The following CFAP92 variants were observed in gnomAD, a reference collection of about 807,000 sequenced individuals.
The protein encoded by CFAP92 is uncharacterized protein CFAP92.
Under a neutral mutation model 106.3 loss-of-function variants are expected in CFAP92, and 86 were observed. The observed-to-expected ratio is 0.81, with a 90% CI of 0.68 to 0.97. The LOEUF is 0.97. Ranked by LOEUF, CFAP92 falls within the 50% of genes least tolerant of loss-of-function variation. The probability of loss-of-function intolerance (pLI) is 0.00; values close to 1 mark genes in which losing one functional copy is unlikely to be tolerated. For missense variants in CFAP92, 1,204 were observed against 1,283.8 expected (o/e 0.94, Z 0.95); for synonymous variants, 477 against 506.4 (o/e 0.94, Z 0.78).
chr3:129,024,302 C>G, the CFAP92 span, among the ~76,000 whole-genome samples: 2 of 152,242 alleles, frequency 1.3e-5, no homozygotes, highest in Admixed American at 1.3e-4. Flanking sequence ...AAAGCCGAGT[C>G]AGGCAGATCA....
chr3:128,969,139 C>T (rs1485177742), intron 8 of CFAP92: 1 of 152,056 alleles, frequency 6.6e-6, no homozygotes, highest in Non-Finnish European at 1.5e-5. Flanking sequence ...TCTCCCCACC[C>T]TTGAGAATGT....
chr3:129,003,339 C>A, upstream of CFAP92: 2 of 953,978 alleles, frequency 2.1e-6, no homozygotes, highest in Non-Finnish European at 2.5e-6. Flanking sequence ...GCTCTGGGAA[C>A]ACACCAGTAA....
chr3:128,971,969 CAT>C (rs1304910943), intron 7 of CFAP92, among the ~76,000 whole-genome samples: 2 of 152,138 alleles, frequency 1.3e-5, no homozygotes, highest in African/African-American at 4.8e-5. Context: ...GATGAGAACA[CAT>C]ATAAATCTAC....
chr3:129,019,988 C>T, the CFAP92 span, among the ~76,000 whole-genome samples: 1 of 151,876 alleles, frequency 6.6e-6, no homozygotes, highest in Non-Finnish European at 1.5e-5. Context: ...AGGCTGGTCT[C>T]GAACTCCTGA....
intron 15 of CFAP92, chr3:128,912,632 C>T (rs1302440901): frequency 1.3e-6 from 2 of 1,585,150 alleles, no homozygotes; most frequent in Non-Finnish European, 8.7e-7. Flanking sequence ...TCCCCTGCTA[C>T]CGCCCGCCCC....
chr3:129,018,225 T>C, the CFAP92 span, among the ~76,000 whole-genome samples: 1 of 152,162 alleles, frequency 6.6e-6, no homozygotes. Context: ...TTTGCCTCCA[T>C]AGGGAGACAA....
chr3:128,920,739 A>G (rs997978195), intron 12 of CFAP92, among the ~76,000 whole-genome samples: 13 of 152,056 alleles, frequency 8.5e-5, no homozygotes, highest in African/African-American at 1.7e-4. Flanking sequence ...CCGCACTACA[A>G]TCTAAGCCCA....
At position 128,947,856 on chromosome 3, in the gene CFAP92, G is replaced by A. The variant is rs755461177; in HGVS notation, c.1354-1881C>T. Among the ~76,000 whole-genome samples the A allele has an allele frequency of 3.4e-4, 51 of 151,482 alleles. 1 individual carries two copies. The highest frequency in any genetic ancestry group is 2.2e-3 in the Admixed American group (34 of 15,204). On this transcript the variant is annotated intron_variant, in intron 9 of 15. Coordinates refer to ENST00000645291, the MANE Select transcript of CFAP92 (RefSeq NM_001394090.1). ...GTCTCAAAAAAGAAAAAAATTGATC[G>A]AAGATATAAATGTTAACTATAAAAC... is the stretch of plus-strand genomic sequence containing the variant.
chr3:129,003,179 AT>A (rs1175208345), upstream of CFAP92: 1 of 972,816 alleles, frequency 1.0e-6, no homozygotes, highest in African/African-American at 1.8e-5. Flanking sequence ...GTCAGTGTGC[AT>A]GGAAGCCAGG....
intron 15 of CFAP92, among the ~76,000 whole-genome samples, chr3:128,914,150 C>A (rs1936621270): frequency 6.6e-6 from 1 of 152,172 alleles, no homozygotes; most frequent in South Asian, 2.1e-4. Flanking sequence ...ACCAGTGAAA[C>A]CCCCAGGAGA....
At chr3:129,006,279 T>C (rs1945070374), upstream of CFAP92, among the ~76,000 whole-genome samples, 1 of 152,226 alleles carries the variant, frequency 6.6e-6, no homozygotes, top group East Asian at 1.9e-4. Context: ...AGGCTAGTCC[T>C]GTTAGTCAGT....
At chr3:128,989,007 A>G in intron 2 of CFAP92, 89 bp from the exon 3 acceptor site, 2 of 1,020,884 alleles carry the variant, frequency 2.0e-6, no homozygotes, top group South Asian at 3.1e-5. Context: ...TGATGTTGTG[A>G]GAGGCTGAGC....
chr3:129,011,690 C>T, the CFAP92 span, among the ~76,000 whole-genome samples: 30 of 152,172 alleles, frequency 2.0e-4, no homozygotes, highest in East Asian at 5.6e-3. Flanking sequence ...GGCTCTCTGT[C>T]GAGGTGGCTG....
chr3:128,964,432 C>T (rs1942205518), intron 9 of CFAP92, among the ~76,000 whole-genome samples: 1 of 152,192 alleles, frequency 6.6e-6, no homozygotes, highest in African/African-American at 2.4e-5. Flanking sequence ...TCCTATTCAC[C>T]GTTCTCAACT....
Position 128,988,877 on chromosome 3 carries a change from T to C in CFAP92, c.304A>G (p.Lys102Glu). The change falls in exon 3 of 16, where the codon AAA (lysine) becomes GAA (glutamate). Residue 102 changes from lysine to glutamate, a missense_variant. Lys to Glu is a moderately conservative substitution (Grantham distance 56). Coordinates refer to ENST00000645291, the MANE Select transcript of CFAP92 (RefSeq NM_001394090.1). ...ACAGAACTGTCTGTTTTAGGGTGTT[T>C]CTTATATTTTTCAATCAAACTTGCA... Reference protein sequence around the residue: ...KYASLIEKYKKHPKTDSSVTK... With the variant: ...KYASLIEKYKEHPKTDSSVTK... 1 of 1,613,732 alleles carries C rather than the reference T, an allele frequency of 6.2e-7. No individual in the cohort carries two copies.
At chr3:128,930,625 C>T (rs1938255059) in intron 12 of CFAP92, among the ~76,000 whole-genome samples, 1 of 151,988 alleles carries the variant, frequency 6.6e-6, no homozygotes, top group Admixed American at 6.5e-5. Context: ...GTGGTGTGTG[C>T]CTGTAATCCC....
At chr3:128,948,395 T>TC (rs1940458647) in intron 9 of CFAP92, among the ~76,000 whole-genome samples, 1 of 125,586 alleles carries the variant, frequency 8.0e-6, no homozygotes, top group South Asian at 2.6e-4. Context: ...TTTTTTTTTT[T>TC]TTTTTTTTTG....
At chr3:129,023,206 A>G in the CFAP92 span, among the ~76,000 whole-genome samples, 1 of 152,184 alleles carries the variant, frequency 6.6e-6, no homozygotes, top group African/African-American at 2.4e-5. Flanking sequence ...ATTTGTTACA[A>G]ATATATGCTT....
chr3:129,000,689 AC>A (rs1459856651), intron 1 of CFAP92, among the ~76,000 whole-genome samples: 2 of 152,236 alleles, frequency 1.3e-5, no homozygotes, highest in African/African-American at 4.8e-5. Context: ...CCAGAAAAAA[AC>A]ATCAGCCAAT....
Sources: gnomAD v4.1 joint callset for allele counts (sites outside exome capture counted in the v4.1 genomes callset) on GRCh38, gnomAD v4.1.1 for gene constraint, MANE v1.5 for transcripts, NCBI Gene and HGNC (gene_info 2026-07-23, HGNC 2026-07-21) for gene names.